CCDC68: variants seen among roughly 807,000 people sequenced by gnomAD.
CCDC68 encodes coiled-coil domain containing 68.
A neutral mutation model predicts 47.1 loss-of-function variants in CCDC68; 45 were observed. That is an observed-to-expected ratio of 0.96 (90% CI 0.75 to 1.23). The LOEUF is 1.23. Ranked by LOEUF, CCDC68 falls within the 50% of genes most tolerant of loss-of-function variation. The pLI is 0.00. For synonymous variants in CCDC68, 131 were observed against 129.5 expected, an observed-to-expected ratio of 1.01 and a Z score of -0.08; for missense variants, 353 against 373.6, an observed-to-expected ratio of 0.94 and a Z score of 0.45.
chr18:54,903,996 T>C lies in CCDC68; in HGVS notation c.*362A>G, dbSNP rs562050963. 1.4e-4 allele frequency: 28 copies of C among 203,980 alleles called. No homozygotes were observed. The South Asian group carries it at 2.7e-3, about 20-fold the overall frequency. The allele number at this position is 203,980 out of a possible 1,614,324, so 12.6% of individuals were successfully genotyped here. On this transcript the variant is annotated 3_prime_UTR_variant, in exon 12 of 12. Coordinates refer to ENST00000591504, the MANE Select transcript of CCDC68 (RefSeq NM_025214.3). ...ACACATATACACTCTCCCTTCTATT[T>C]ATACTCTTAAAAACCACTATAAAAA...
At chr18:54,953,792 CCAA>C (rs1351072768) in intron 1 of CCDC68, among the ~76,000 whole-genome samples, 1 of 152,102 alleles carries the variant, frequency 6.6e-6, no homozygotes, top group African/African-American at 2.4e-5. Context: ...AAGAATATTT[CCAA>C]CAAGCTTTAA....
intron 3 of CCDC68, among the ~76,000 whole-genome samples, chr18:54,941,694 A>G (rs2044440716): frequency 6.6e-6 from 1 of 152,198 alleles, no homozygotes; most frequent in African/African-American, 2.4e-5. Flanking sequence ...ATAATCCAAA[A>G]AGGTAAAATA....
intron 10 of CCDC68, among the ~76,000 whole-genome samples, chr18:54,908,678 C>A (rs1447564798): frequency 6.6e-6 from 1 of 152,140 alleles, no homozygotes; most frequent in Non-Finnish European, 1.5e-5. Context: ...TAGTGCCTGG[C>A]ACAGATTTTA....
chr18:54,956,476 C>T (rs935013627), intron 1 of CCDC68, among the ~76,000 whole-genome samples: 1 of 152,166 alleles, frequency 6.6e-6, no homozygotes, highest in Non-Finnish European at 1.5e-5. Context: ...GAAGCTGCAC[C>T]AATGTATCTG....
chr18:54,922,616 G>A (rs2044079382), intron 8 of CCDC68, among the ~76,000 whole-genome samples: 1 of 151,958 alleles, frequency 6.6e-6, no homozygotes, highest in Non-Finnish European at 1.5e-5. Flanking sequence ...AATCTGGGAG[G>A]CCAAGGCGGG....
chr18:54,927,819 C>A (rs746198975), intron 8 of CCDC68, among the ~76,000 whole-genome samples: 9 of 152,044 alleles, frequency 5.9e-5, no homozygotes, highest in Non-Finnish European at 1.2e-4. Flanking sequence ...TGGGCTTTGG[C>A]ATATGTGGTC....
At chr18:54,918,036 C>T in intron 9 of CCDC68, 40 bp from the exon 10 acceptor site, 1 of 852,126 alleles carries the variant, frequency 1.2e-6, no homozygotes, top group Non-Finnish European at 1.8e-6. Flanking sequence ...CCTTGTCAGA[C>T]CACAGGAAAT....
chr18:54,949,489 C>T (rs1487901090), intron 1 of CCDC68, among the ~76,000 whole-genome samples: 2 of 152,180 alleles, frequency 1.3e-5, no homozygotes, highest in South Asian at 4.1e-4. Context: ...GAGGCAAAGA[C>T]AGAGTGAAGC....
At chr18:54,936,772 T>C (rs1009096349) in intron 6 of CCDC68, 61 bp downstream of exon 6, 4 of 1,599,892 alleles carry the variant, frequency 2.5e-6, no homozygotes, top group South Asian at 1.1e-5. Flanking sequence ...TCTAGAAAGA[T>C]GAACTTCAAC....
intron 6 of CCDC68, among the ~76,000 whole-genome samples, chr18:54,935,592 C>T (rs1017402476): frequency 1.8e-4 from 28 of 152,296 alleles, no homozygotes; most frequent in African/African-American, 6.7e-4. Flanking sequence ...TGGTGCCGAG[C>T]CCACATTACA....
chr18:54,917,251 G>A (rs2043969148), intron 10 of CCDC68, among the ~76,000 whole-genome samples: 1 of 152,152 alleles, frequency 6.6e-6, no homozygotes, highest in South Asian at 2.1e-4. Flanking sequence ...GGTAAGCCTG[G>A]AGGCAAAGCT....
chr18:54,918,087 A>G, intron 9 of CCDC68, 91 bp from the exon 10 acceptor site: 2 of 619,710 alleles, frequency 3.2e-6, no homozygotes, highest in Non-Finnish European at 5.5e-6. Flanking sequence ...CTGAGGTCAA[A>G]AGATGTTCAT....
intron 8 of CCDC68, among the ~76,000 whole-genome samples, chr18:54,921,185 G>C (rs981060427): frequency 6.6e-6 from 1 of 152,082 alleles, no homozygotes. Flanking sequence ...TAGACGCTGC[G>C]GACTATTAGA....
Position 54,919,294 on chromosome 18 carries a change from T to C in CCDC68, c.766A>G (p.Asn256Asp). 6.2e-7 allele frequency: 1 copy of C among 1,613,876 alleles called. No homozygotes were observed. The highest frequency in any genetic ancestry group is 8.5e-7 in the Non-Finnish European group (1 of 1,179,770). Residue 256 changes from asparagine to aspartate, a missense_variant, in exon 9 of 12, where the codon AAC (asparagine) becomes GAC (aspartate). By Grantham distance (23) the Asn-to-Asp change is conservative (BLOSUM62 1). Transcript: ENST00000591504. ...LQFVIHSQHQ[N>D]LRSVIQEMEG... ...ACCTCCTGGATGACACTGCGCAGGT[T>C]CTGATGTTGGGAGTGAATCACAAAC...
In CCDC68 at chr18:54,904,240, G is replaced by A. The variant is rs1913850211; in HGVS notation, c.*118C>T. On this transcript the variant is annotated 3_prime_UTR_variant, in exon 12 of 12. Coordinates refer to ENST00000591504, the MANE Select transcript of CCDC68 (RefSeq NM_025214.3). ...CATCTTCTTGCAAAGCCATTGGTAT[G>A]TAATAAGTTCCATTTAAATAATGGC... The A allele has an allele frequency of 5.3e-6, 4 of 750,302 alleles. No individual in the cohort carries two copies. The highest frequency in any genetic ancestry group is 2.3e-6 in the Non-Finnish European group (1 of 432,884). 46.5% of individuals were successfully genotyped at this position (750,302 alleles called of 1,614,324 possible).
chr18:54,930,006 A>G (rs899826124), intron 7 of CCDC68, among the ~76,000 whole-genome samples: 5 of 152,140 alleles, frequency 3.3e-5, no homozygotes, highest in Admixed American at 6.5e-5. Flanking sequence ...ATTATTTATT[A>G]TTTCATTAGA....
intron 1 of CCDC68, among the ~76,000 whole-genome samples, chr18:54,949,192 C>T (rs774192648): frequency 6.6e-6 from 1 of 152,090 alleles, no homozygotes; most frequent in Non-Finnish European, 1.5e-5. Context: ...GATGGGGTTT[C>T]GCCATGTTGG....
At chr18:54,908,214 A>G (rs1339131758) in intron 10 of CCDC68, among the ~76,000 whole-genome samples, 1 of 152,216 alleles carries the variant, frequency 6.6e-6, no homozygotes, top group African/African-American at 2.4e-5. Context: ...CACAATATCA[A>G]TCACATGTTC....
intron 11 of CCDC68, 117 bp downstream of exon 11, chr18:54,907,669 C>T: frequency 1.6e-6 from 1 of 644,220 alleles, no homozygotes; most frequent in Non-Finnish European, 2.8e-6. Flanking sequence ...GGGAGAAAAA[C>T]AGTAAACAAA....
Sources: gnomAD v4.1 joint callset for allele counts (sites outside exome capture counted in the v4.1 genomes callset) on GRCh38, gnomAD v4.1.1 for gene constraint, MANE v1.5 for transcripts, NCBI Gene and HGNC (gene_info 2026-07-23, HGNC 2026-07-21) for gene names.